The following PHACTR1 variants were observed in gnomAD, a reference collection of about 807,000 sequenced individuals.
PHACTR1 encodes RPEL repeat containing 1.
PHACTR1 carries 16 observed loss-of-function variants against 69.2 expected under a neutral mutation model. The ratio of observed to expected loss-of-function variants is 0.23; its 90% CI spans 0.16 to 0.35. The LOEUF is 0.35. Among genes scored for constraint, PHACTR1 ranks in the 10% least tolerant of loss-of-function variants. The pLI, the probability that PHACTR1 is intolerant of heterozygous loss-of-function variation, is 1.00. For synonymous variants in PHACTR1, 312 were observed against 284.5 expected, an observed-to-expected ratio of 1.10 and a Z score of -0.97; for missense variants, 510 against 734.7, an observed-to-expected ratio of 0.69 and a Z score of 3.54.
chr6:13,161,750 A>G (rs1003786719), intron 6 of PHACTR1, among the ~76,000 whole-genome samples: 11 of 152,076 alleles, frequency 7.2e-5, no homozygotes, highest in Admixed American at 4.6e-4. Flanking sequence ...CATTCTTGTC[A>G]TGGGCCTTCC....
Position 12,812,297 on chromosome 6 carries a change from T to G in PHACTR1, c.250+62507T>G, listed in dbSNP as rs574730689. 5.3e-5 allele frequency among the ~76,000 whole-genome samples: 8 copies of G among 152,326 alleles called. No individual in the cohort carries two copies. The East Asian group carries it at 1.5e-3, about 29-fold the overall frequency. ...TTCTCTCACTTAGCATAATGTTTCCTAAGTTCATCCACATTGTAGCATGTT... is the reference window on the plus strand; with the variant it reads ...TTCTCTCACTTAGCATAATGTTTCCGAAGTTCATCCACATTGTAGCATGTT... On this transcript the variant is annotated intron_variant, in intron 4 of 14. Coordinates refer to ENST00000332995, the MANE Select transcript of PHACTR1 (RefSeq NM_030948.6).
rs541149439 is a variant in PHACTR1 at position 12,852,966 on chromosome 6, G to GCATC, written c.250+103178_250+103181dup. 6.6e-3 allele frequency among the ~76,000 whole-genome samples: 1,009 copies of GCATC among 152,240 alleles called. 7 individuals are homozygous for GCATC. The highest frequency in any genetic ancestry group is 0.01 in the Non-Finnish European group (712 of 68,024). ...TTCCTTTATCAGCACTGGGTATAAT[G>GCATC]CATCCTATGTGAAGAAATTGTAACC... On this transcript the variant is annotated intron_variant, in intron 4 of 14. Coordinates refer to ENST00000332995, the MANE Select transcript of PHACTR1 (RefSeq NM_030948.6).
intron 5 of PHACTR1, among the ~76,000 whole-genome samples, chr6:13,075,404 A>G (rs975656936): frequency 6.6e-6 from 1 of 152,148 alleles, no homozygotes; most frequent in Non-Finnish European, 1.5e-5. Context: ...ATTTGCCACC[A>G]TCGAAACAAG....
chr6:12,944,778 T>TTTATTTA (rs1491142696), intron 4 of PHACTR1, among the ~76,000 whole-genome samples: 2 of 133,494 alleles, frequency 1.5e-5, no homozygotes, highest in African/African-American at 6.1e-5. Context: ...TATTTATTTA[T>TTTATTTA]TTTTATTTAT....
intron 10 of PHACTR1, among the ~76,000 whole-genome samples, chr6:13,243,140 C>G (rs1336926179): frequency 3.3e-5 from 5 of 151,974 alleles, no homozygotes; most frequent in Admixed American, 2.0e-4. Context: ...AGTCAGGGCT[C>G]TGATCATGTA....
intron 10 of PHACTR1, among the ~76,000 whole-genome samples, chr6:13,253,613 G>C (rs746018827): frequency 1.4e-4 from 21 of 152,190 alleles, no homozygotes; most frequent in Non-Finnish European, 1.0e-4. Context: ...GTGATACCTA[G>C]GGTAAGCCTT....
rs374306073 is a variant in PHACTR1 at position 12,950,508 on chromosome 6, C to A, written c.251-102857C>A. ...GGATTGGAGATATGATTGTGTTCAT[C>A]TTTGGAAAATGCAATCTGCAACTTA... On this transcript the variant is annotated intron_variant, in intron 4 of 14. Transcript: ENST00000332995. Among the ~76,000 whole-genome samples, 33 of 152,290 alleles carry A rather than the reference C, an allele frequency of 2.2e-4. No homozygotes were observed. In the South Asian group the frequency reaches 6.6e-3, roughly 31 times the overall value.
At chr6:12,962,066 C>A (rs1407865857) in intron 4 of PHACTR1, among the ~76,000 whole-genome samples, 1 of 151,998 alleles carries the variant, frequency 6.6e-6, no homozygotes, top group East Asian at 1.9e-4. Context: ...GTAGCTGGGA[C>A]CACAGGGGTA....
At chr6:13,004,879 G>A (rs1394952205) in intron 4 of PHACTR1, among the ~76,000 whole-genome samples, 2 of 152,026 alleles carry the variant, frequency 1.3e-5, no homozygotes, top group Non-Finnish European at 2.9e-5. Flanking sequence ...CTCAAACCTT[G>A]TAACCATTGT....
intron 6 of PHACTR1, among the ~76,000 whole-genome samples, chr6:13,164,725 T>C (rs1053214475): frequency 6.6e-6 from 1 of 152,212 alleles, no homozygotes; most frequent in Non-Finnish European, 1.5e-5. Flanking sequence ...TCGTAATTAT[T>C]TGGGCAGAGT....
intron 3 of PHACTR1, among the ~76,000 whole-genome samples, chr6:12,735,878 C>T (rs1764180822): frequency 6.6e-6 from 1 of 152,094 alleles, no homozygotes; most frequent in African/African-American, 2.4e-5. Context: ...AGTTGGGGCC[C>T]AGAGGAACAC....
chr6:13,160,329 T>G (rs760283364), intron 6 of PHACTR1, 45 bp downstream of exon 6: 1 of 1,511,878 alleles, frequency 6.6e-7, no homozygotes, highest in Non-Finnish European at 9.2e-7. Context: ...GAGTCATGCG[T>G]GGAATCTGCA....
At position 13,283,143 on chromosome 6, in the gene PHACTR1, G is replaced by T. The variant is rs572084460; in HGVS notation, c.1510-279G>T. ...TGTTTTGAAAATTTACATAATAAAAGATTTTTTTTAAGTTTAAAAAAAAAA... is the reference window on the plus strand; with the variant it reads ...TGTTTTGAAAATTTACATAATAAAATATTTTTTTTAAGTTTAAAAAAAAAA... On this transcript the variant is annotated intron_variant, in intron 12 of 14. Coordinates refer to ENST00000332995, the MANE Select transcript of PHACTR1 (RefSeq NM_030948.6). The surrounding 1 kb of genome is among the most constrained non-coding windows in gnomAD (Gnocchi z 4.7). Among the ~76,000 whole-genome samples the T allele has an allele frequency of 5.7e-5, 8 of 141,340 alleles. No individual in the cohort carries two copies. The East Asian group carries it at 1.4e-3, about 24-fold the overall frequency. 92.7% of individuals were successfully genotyped at this position (141,340 alleles called of 152,430 possible).
At chr6:12,861,708 A>T (rs900952233) in intron 4 of PHACTR1, among the ~76,000 whole-genome samples, 1 of 152,204 alleles carries the variant, frequency 6.6e-6, no homozygotes, top group Admixed American at 6.5e-5. Flanking sequence ...ACTGCAATTA[A>T]CCATACTCTC....
chr6:13,064,549 T>A (rs1479649655), intron 5 of PHACTR1, among the ~76,000 whole-genome samples: 1 of 1,274 alleles, frequency 7.8e-4, no homozygotes, highest in Admixed American at 6.8e-3. Flanking sequence ...AGGGAAAAGA[T>A]ATATATATAT....
At chr6:12,805,632 G>T (rs1168234740) in intron 4 of PHACTR1, among the ~76,000 whole-genome samples, 1 of 145,364 alleles carries the variant, frequency 6.9e-6, no homozygotes, top group African/African-American at 2.6e-5. Flanking sequence ...ATGGAGTCTT[G>T]CTCTGTTGCC....
intron 4 of PHACTR1, among the ~76,000 whole-genome samples, chr6:12,911,105 C>G (rs935922257): frequency 1.3e-5 from 2 of 152,216 alleles, no homozygotes; most frequent in Admixed American, 6.5e-5. Flanking sequence ...CCCTACAACA[C>G]TTAACAAAGC....
intron 7 of PHACTR1, among the ~76,000 whole-genome samples, chr6:13,186,779 G>A (rs1321484870): frequency 6.6e-6 from 1 of 152,194 alleles, no homozygotes; most frequent in Non-Finnish European, 1.5e-5. Flanking sequence ...GACCGGAGGT[G>A]GGGCGGGAGA....
chr6:12,898,313 C>A (rs74581597), intron 4 of PHACTR1, among the ~76,000 whole-genome samples: 1 of 152,074 alleles, frequency 6.6e-6, no homozygotes, highest in Non-Finnish European at 1.5e-5. Context: ...CAAATACCGA[C>A]GGGAGCTGAT....
Sources: gnomAD v4.1 joint callset for allele counts (sites outside exome capture counted in the v4.1 genomes callset) on GRCh38, gnomAD v4.1.1 for gene constraint, Gnocchi (gnomAD v3.1) non-coding constraint, MANE v1.5 for transcripts, NCBI Gene and HGNC (gene_info 2026-07-23, HGNC 2026-07-21) for gene names.